Variants in PKD1L1 observed in about 807,000 individuals in gnomAD.
PKD1L1 encodes the protein polycystin-1-like protein 1.
PKD1L1 carries 236 observed loss-of-function variants against 323.4 expected under a neutral mutation model. That is an observed-to-expected ratio of 0.73 (90% CI 0.66 to 0.81). The LOEUF (loss-of-function observed/expected upper bound fraction) is 0.81, where lower values mean the gene tolerates loss of function less well. Among genes scored for constraint, PKD1L1 ranks in the 40% least tolerant of loss-of-function variants. PKD1L1 has a pLI of 0.00. For synonymous variants in PKD1L1, 1,344 were observed against 1,335.0 expected (o/e 1.01, Z -0.15); for missense variants, 3,320 against 3,508.0 (o/e 0.95, Z 1.35).
At position 47,872,509 on chromosome 7, in the gene PKD1L1, A is replaced by C. The variant is rs531587796; in HGVS notation, c.3896+1390T>G. 2.0e-5 allele frequency among the ~76,000 whole-genome samples: 3 copies of C among 152,354 alleles called. No homozygotes were observed. The South Asian group carries it at 6.2e-4, about 32-fold the overall frequency. Reference sequence around the variant, plus strand: ...TTTTAATTAGGTTATCCATTATAAAAATACAGATAACCTACATAAAAATGG... The same window carrying C: ...TTTTAATTAGGTTATCCATTATAAACATACAGATAACCTACATAAAAATGG... On this transcript the variant is annotated intron_variant, in intron 24 of 56. Coordinates refer to ENST00000289672, the MANE Select transcript of PKD1L1 (RefSeq NM_138295.5).
upstream of PKD1L1, among the ~76,000 whole-genome samples, chr7:47,948,934 G>C (rs149432156): frequency 2.0e-5 from 3 of 152,276 alleles, no homozygotes; most frequent in Admixed American, 6.5e-5. Context: ...AATAGAGTGA[G>C]ACTCTGCCTC....
chr7:47,947,299 A>C (rs1186929735), intron 1 of PKD1L1, among the ~76,000 whole-genome samples: 1 of 152,254 alleles, frequency 6.6e-6, no homozygotes, highest in Non-Finnish European at 1.5e-5. Flanking sequence ...GCAAGCATTC[A>C]TCAAGGATAC....
intron 8 of PKD1L1, among the ~76,000 whole-genome samples, chr7:47,911,872 C>A (rs1787328836): frequency 6.7e-6 from 1 of 150,154 alleles, no homozygotes; most frequent in Non-Finnish European, 1.5e-5. Flanking sequence ...ACACACTCCA[C>A]CAGCAGTTAG....
At chr7:47,908,872 C>G (rs1238101058) in intron 8 of PKD1L1, among the ~76,000 whole-genome samples, 1 of 152,174 alleles carries the variant, frequency 6.6e-6, no homozygotes, top group African/African-American at 2.4e-5. Flanking sequence ...GGACCTCTGT[C>G]ATTGTCATTG....
intron 1 of PKD1L1, among the ~76,000 whole-genome samples, chr7:47,947,652 A>G (rs1287739477): frequency 1.3e-5 from 2 of 152,220 alleles, no homozygotes; most frequent in African/African-American, 2.4e-5. Flanking sequence ...CGCACAGAGC[A>G]TGGGGAAGAG....
chr7:47,776,258 C>T, intron 56 of PKD1L1, among the ~76,000 whole-genome samples: 1 of 152,160 alleles, frequency 6.6e-6, no homozygotes, highest in East Asian at 1.9e-4. Context: ...AGAAATAGTT[C>T]CAATTCTAGT....
intron 33 of PKD1L1, among the ~76,000 whole-genome samples, 161 bp from the exon 34 acceptor site, chr7:47,843,330 G>A (rs907196073): frequency 6.6e-6 from 1 of 152,228 alleles, no homozygotes; most frequent in Admixed American, 6.5e-5. Flanking sequence ...GGCTTTGAAG[G>A]CAGGGAGCTG....
chr7:47,857,787 G>T lies in PKD1L1; in HGVS notation c.4408C>A (p.Arg1470=). ...TGAAGGTTGTAATGAAGAAGGGTCC[G>T]GAACTCCATCTGCCCAGTGCTAACA... is the stretch of plus-strand genomic sequence containing the variant. The part of the protein sequence containing the change: ...NHVSTGQMEF[R]TLLHYNLQSS... The change falls in exon 28 of 57, where the codon CGG becomes AGG. Residue 1470 remains arginine, a synonymous_variant. Coordinates refer to ENST00000289672, the MANE Select transcript of PKD1L1 (RefSeq NM_138295.5). 6.2e-7 allele frequency: 1 copy of T among 1,614,156 alleles called. No homozygotes were observed. The highest frequency in any genetic ancestry group is 8.5e-7 in the Non-Finnish European group (1 of 1,180,040).
At chr7:47,891,648 G>T (rs1319917047) in intron 15 of PKD1L1, among the ~76,000 whole-genome samples, 1 of 152,264 alleles carries the variant, frequency 6.6e-6, no homozygotes, top group Non-Finnish European at 1.5e-5. Context: ...ACCCTGCTCA[G>T]CAGGAGCACT....
intron 50 of PKD1L1, among the ~76,000 whole-genome samples, chr7:47,810,899 G>A (rs1243576932): frequency 6.6e-6 from 1 of 152,180 alleles, no homozygotes; most frequent in Non-Finnish European, 1.5e-5. Context: ...TATATGTGGG[G>A]ATGGGGCTCC....
intron 11 of PKD1L1, 22 bp from the exon 12 acceptor site, chr7:47,904,639 G>C (rs761948668): frequency 1.3e-6 from 2 of 1,597,088 alleles, no homozygotes; most frequent in Admixed American, 3.4e-5. Context: ...GGAAAGGAGG[G>C]CAGGGAAGGC....
intron 52 of PKD1L1, among the ~76,000 whole-genome samples, chr7:47,806,266 G>A (rs1169448116): frequency 6.6e-6 from 1 of 152,192 alleles, no homozygotes; most frequent in East Asian, 1.9e-4. Flanking sequence ...CTATTCCTGA[G>A]GCCCACACCT....
At chr7:47,846,762 A>G (rs1785673213) in intron 32 of PKD1L1, 117 bp downstream of exon 32, 2 of 929,054 alleles carry the variant, frequency 2.2e-6, no homozygotes, top group African/African-American at 3.4e-5. Flanking sequence ...ACAAACCAAG[A>G]GAGCTCCAGC....
intron 26 of PKD1L1, among the ~76,000 whole-genome samples, chr7:47,859,830 A>T (rs1785987423): frequency 6.6e-6 from 1 of 151,972 alleles, no homozygotes; most frequent in Non-Finnish European, 1.5e-5. Flanking sequence ...GGGTTTCACC[A>T]TCTTGGCCAG....
chr7:47,936,656 C>T (rs1787872539), intron 4 of PKD1L1, among the ~76,000 whole-genome samples, 190 bp downstream of exon 4: 1 of 152,166 alleles, frequency 6.6e-6, no homozygotes, highest in South Asian at 2.1e-4. Context: ...GTCATACTAC[C>T]TGTTCTACTC....
At chr7:47,792,089 CT>C (rs1786963143) in intron 56 of PKD1L1, among the ~76,000 whole-genome samples, 1 of 152,210 alleles carries the variant, frequency 6.6e-6, no homozygotes, top group African/African-American at 2.4e-5. Flanking sequence ...CCCAGGAACT[CT>C]GTGGCATTAG....
At position 47,808,255 on chromosome 7, in the gene PKD1L1, A is replaced by C; in HGVS notation, c.7819T>G (p.Trp2607Gly). The C allele has an allele frequency of 6.2e-7, 1 of 1,614,154 alleles. No homozygotes were observed. Among genetic ancestry groups the C allele is most frequent in the East Asian group, 2.2e-5 (1 of 44,880 alleles). The change falls in exon 52 of 57, where the codon TGG (tryptophan) becomes GGG (glycine). Residue 2607 changes from tryptophan (W) to glycine (G), a missense_variant. By Grantham distance (184) the Trp-to-Gly change is radical. Coordinates refer to ENST00000289672, the MANE Select transcript of PKD1L1 (RefSeq NM_138295.5). ...CTGAGCACACCGTGTACCTGATTCC[A>C]TGATGCCATAAGGGTGAGGTCCATA... Reference protein sequence around the residue: ...AFMDLTLMASWNQRARWLRGI... With the variant: ...AFMDLTLMASGNQRARWLRGI...
At chr7:47,848,538 A>C (rs2128739985) in intron 31 of PKD1L1, among the ~76,000 whole-genome samples, 1 of 152,320 alleles carries the variant, frequency 6.6e-6, no homozygotes, top group Admixed American at 6.5e-5. Flanking sequence ...GGCTGGGCGC[A>C]GTGGCTCACG....
At chr7:47,828,020 G>C (rs577849666) in intron 44 of PKD1L1, among the ~76,000 whole-genome samples, 1 of 152,294 alleles carries the variant, frequency 6.6e-6, no homozygotes, top group South Asian at 2.1e-4. Flanking sequence ...TGAGGAACCA[G>C]AGACAGTCCT....
Sources: allele counts gnomAD v4.1 joint callset (sites outside exome capture counted in the v4.1 genomes callset), GRCh38; gene constraint gnomAD v4.1.1; transcripts MANE v1.5; gene names NCBI Gene and HGNC (gene_info 2026-07-23, HGNC 2026-07-21).